Variants in ESRRG observed in about 807,000 individuals in gnomAD.
ESRRG encodes the protein estrogen-related receptor gamma.
In ESRRG, 13 loss-of-function variants were observed where a neutral mutation model predicts 44.0. The observed-to-expected ratio is 0.30, with a 90% CI of 0.19 to 0.47. ESRRG has a LOEUF of 0.47. Ranked by LOEUF, ESRRG falls within the 20% of genes least tolerant of loss-of-function variation. ESRRG has a pLI of 1.00. For synonymous variants in ESRRG, 215 were observed against 214.6 expected (o/e 1.00, Z -0.02); for missense variants, 395 against 580.6 (o/e 0.68, Z 3.29).
intron 3 of ESRRG, among the ~76,000 whole-genome samples, chr1:216,631,908 A>G (rs1574441515): frequency 1.3e-5 from 2 of 152,276 alleles, no homozygotes; most frequent in East Asian, 3.9e-4. Flanking sequence ...GGGATGAGGA[A>G]GCAGGGGGAC....
At chr1:216,858,514 T>TTTA (rs5780937) in intron 2 of ESRRG, among the ~76,000 whole-genome samples, 118,354 of 151,894 alleles carry the variant, frequency 0.78, 46,953 homozygotes, top group African/African-American at 0.93. Flanking sequence ...CACTGAAATC[T>TTTA]TTTTCTGATT....
chr1:216,941,199 A>C (rs2065170219), intron 1 of ESRRG, among the ~76,000 whole-genome samples: 1 of 152,162 alleles, frequency 6.6e-6, no homozygotes, highest in South Asian at 2.1e-4. Context: ...AAACACTAGG[A>C]GAGGACCCAC....
chr1:216,899,815 G>A (rs527568787), intron 2 of ESRRG, among the ~76,000 whole-genome samples: 1 of 152,274 alleles, frequency 6.6e-6, no homozygotes, highest in East Asian at 1.9e-4. Context: ...GACAGAAGCA[G>A]CAGAAGCCAA....
At chr1:217,070,118 T>TA in intron 1 of ESRRG, among the ~76,000 whole-genome samples, 1 of 152,220 alleles carries the variant, frequency 6.6e-6, no homozygotes, top group Non-Finnish European at 1.5e-5. Flanking sequence ...GAAGTGGGGG[T>TA]AAAATGCAGA....
At position 216,555,909 on chromosome 1, in the gene ESRRG, G is replaced by A. The variant is rs2057444144; in HGVS notation, c.862+8310C>T. 3.3e-5 allele frequency among the ~76,000 whole-genome samples: 5 copies of A among 152,036 alleles called. No individual in the cohort carries two copies. In the South Asian group the frequency reaches 8.3e-4, roughly 25 times the overall value. Reference sequence around the variant, plus strand: ...TTGGCTGAGGCAGATAAAGGGGGACGCAGGGGAAAAAGTGCGACCAGCCCA... The same window carrying A: ...TTGGCTGAGGCAGATAAAGGGGGACACAGGGGAAAAAGTGCGACCAGCCCA... On this transcript the variant is annotated intron_variant, in intron 5 of 6. Transcript: ENST00000408911.
intron 2 of ESRRG, among the ~76,000 whole-genome samples, chr1:216,829,549 G>GTT (rs66515526): frequency 1.3e-4 from 18 of 135,632 alleles, no homozygotes; most frequent in Admixed American, 2.2e-4. Flanking sequence ...AAATGCCACA[G>GTT]TTTTTTTTTT....
chr1:217,107,322 G>A (rs2092609219), intron 1 of ESRRG, among the ~76,000 whole-genome samples: 3 of 152,294 alleles, frequency 2.0e-5, no homozygotes, highest in African/African-American at 7.2e-5. Context: ...TGGATTAACA[G>A]TGTAGCTCAC....
chr1:217,096,837 C>T (rs1282568684), intron 1 of ESRRG, among the ~76,000 whole-genome samples: 2 of 152,138 alleles, frequency 1.3e-5, no homozygotes, highest in Non-Finnish European at 2.9e-5. Flanking sequence ...TAGTGCCTAG[C>T]ACACAGTAGA....
intron 1 of ESRRG, among the ~76,000 whole-genome samples, chr1:216,715,877 T>C (rs1247342486): frequency 2.6e-5 from 4 of 152,096 alleles, no homozygotes; most frequent in Admixed American, 2.0e-4. Flanking sequence ...AAAATCTTTC[T>C]AGAGTAGATG....
intron 1 of ESRRG, among the ~76,000 whole-genome samples, chr1:216,704,733 A>G (rs927357691): frequency 3.9e-5 from 6 of 152,174 alleles, no homozygotes; most frequent in Non-Finnish European, 8.8e-5. Flanking sequence ...GTATATGTCT[A>G]TGTTAATCTA....
chr1:216,915,045 T>C (rs2060967342), intron 2 of ESRRG, among the ~76,000 whole-genome samples: 1 of 152,178 alleles, frequency 6.6e-6, no homozygotes, highest in Non-Finnish European at 1.5e-5. Flanking sequence ...TGCCAAAGTA[T>C]GTACACGATT....
chr1:216,780,301 A>G (rs1301120647), intron 2 of ESRRG, among the ~76,000 whole-genome samples: 3 of 152,014 alleles, frequency 2.0e-5, no homozygotes, highest in African/African-American at 7.2e-5. Context: ...TGACATTTTC[A>G]AAATTGAAAA....
intron 1 of ESRRG, among the ~76,000 whole-genome samples, chr1:217,134,436 G>A (rs1188162149): frequency 6.6e-6 from 1 of 152,210 alleles, no homozygotes; most frequent in South Asian, 2.1e-4. Context: ...GGCCCTGCGC[G>A]CCAGAGAAGC....
chr1:217,105,506 G>A (rs566698238), intron 1 of ESRRG, among the ~76,000 whole-genome samples: 2 of 152,238 alleles, frequency 1.3e-5, no homozygotes, highest in African/African-American at 2.4e-5. Flanking sequence ...TGGTCCGAGT[G>A]CTCAAACCTG....
rs778814944 is a variant in ESRRG, at chr1:217,053,012, G to A, written c.-106+36495C>T. ...ATTCTTCCTTGGTTATATCAAAATT[G>A]CATATCCTTTACCAGGCACAATGTT... On this transcript the variant is annotated intron_variant, in intron 1 of 7. Coordinates refer to the ESRRG transcript ENST00000359162. Among the ~76,000 whole-genome samples, 4 of 151,884 alleles carry A rather than the reference G, an allele frequency of 2.6e-5. No homozygotes were observed. In the East Asian group the frequency reaches 5.8e-4, roughly 22 times the overall value.
At chr1:216,798,531 A>G (rs922458913) in intron 2 of ESRRG, among the ~76,000 whole-genome samples, 2 of 152,190 alleles carry the variant, frequency 1.3e-5, no homozygotes, top group Non-Finnish European at 2.9e-5. Flanking sequence ...CCTGCAAGCT[A>G]CTTATGGTCA....
At chr1:216,518,432 G>C (rs1457145169) in intron 6 of ESRRG, among the ~76,000 whole-genome samples, 1 of 152,260 alleles carries the variant, frequency 6.6e-6, no homozygotes, top group East Asian at 1.9e-4. Flanking sequence ...ATCAGAGCAC[G>C]TTATTGACAC....
chr1:216,840,100 C>T (rs1375611381), intron 2 of ESRRG, among the ~76,000 whole-genome samples: 1 of 152,146 alleles, frequency 6.6e-6, no homozygotes, highest in Non-Finnish European at 1.5e-5. Context: ...TAGGAAAATC[C>T]TAGATGGCAC....
chr1:216,646,042 C>T (rs557620443), intron 3 of ESRRG, among the ~76,000 whole-genome samples: 1 of 152,130 alleles, frequency 6.6e-6, no homozygotes, highest in East Asian at 1.9e-4. Context: ...TCTTCCTTTT[C>T]CTTTCAAGAC....
Sources: allele counts gnomAD v4.1 joint callset (sites outside exome capture counted in the v4.1 genomes callset), GRCh38; gene constraint gnomAD v4.1.1; transcripts MANE v1.5; gene names NCBI Gene and HGNC (gene_info 2026-07-23, HGNC 2026-07-21).